The following MARS1 variants were observed in gnomAD, a reference collection of about 807,000 sequenced individuals.
MARS1 encodes methionyl-tRNA synthetase 1.
MARS1 carries 80 observed loss-of-function variants against 119.5 expected under a neutral mutation model. That is an observed-to-expected ratio of 0.67 (90% CI 0.56 to 0.81). The LOEUF (loss-of-function observed/expected upper bound fraction) is 0.81, where lower values mean the gene tolerates loss of function less well. Among genes scored for constraint, MARS1 ranks in the 30% least tolerant of loss-of-function variants. The pLI, the probability that MARS1 is intolerant of heterozygous loss-of-function variation, is 0.00. For synonymous variants in MARS1, 418 were observed against 433.4 expected, an observed-to-expected ratio of 0.96 and a Z score of 0.44; for missense variants, 945 against 1,116.5, an observed-to-expected ratio of 0.85 and a Z score of 2.19.
Position 57,511,818 on chromosome 12 carries a change from C to G in MARS1, c.1489C>G (p.Arg497Gly), listed in dbSNP as rs368761444. ...TGGCCTCAAGCCACGCTGCATAACC[C>G]GAGACCTCAAATGGGGAACCCCTGT... ...RDGLKPRCIT[R>G]DLKWGTPVPL... Residue 497 changes from arginine (R) to glycine (G), a missense_variant, in exon 12 of 21, where the codon CGA becomes GGA. Arg to Gly is a moderately radical substitution (Grantham distance 125). Transcript: ENST00000262027. 4.3e-6 allele frequency: 7 copies of G among 1,614,034 alleles called. No individual in the cohort carries two copies. Among genetic ancestry groups the G allele is most frequent in the African/African-American group, 1.3e-5 (1 of 74,916 alleles).
Position 57,493,441 on chromosome 12 carries a change from CATAATATATAATATATTATAAT to C in MARS1, c.770+2801_770+2822del, listed in dbSNP as rs1876149260. ...ATTATATGATATGTATAATATATTA[CATAATATATAATATATTATAAT>C]ATATAATATATAATATATAATATAT... is the stretch of plus-strand genomic sequence containing the variant. On this transcript the variant is annotated intron_variant, in intron 7 of 20. Transcript: ENST00000262027. Among the ~76,000 whole-genome samples the C allele has an allele frequency of 7.3e-3, 5 of 686 alleles. 1 individual carries two copies. In the Non-Finnish European group the frequency reaches 0.1, roughly 14 times the overall value. The allele number at this position is 686 out of a possible 152,430, so 0.5% of individuals were successfully genotyped here.
Position 57,498,473 on chromosome 12 carries a change from A to G in MARS1, c.941A>G (p.Tyr314Cys). The change falls in exon 9 of 21, where the codon TAT becomes TGT. Residue 314 changes from tyrosine to cysteine, a missense_variant. Transcript: ENST00000262027. The part of the protein sequence containing the change: ...NTLYLCGTDE[Y>C]GTATETKALE... ...CTCTATCTGTGTGGGACAGATGAGT[A>G]TGGTACAGCAACAGAGACCAAGGCT... The G allele has an allele frequency of 3.1e-6, 5 of 1,614,210 alleles. No homozygotes were observed. The highest frequency in any genetic ancestry group is 4.2e-6 in the Non-Finnish European group (5 of 1,180,040).
intron 11 of MARS1, among the ~76,000 whole-genome samples, chr12:57,510,753 A>C (rs907264074): frequency 1.6e-4 from 24 of 152,040 alleles, no homozygotes; most frequent in African/African-American, 5.8e-4. Flanking sequence ...CAACAAAGCA[A>C]GACCCTGTCT....
At position 57,516,308 on chromosome 12, in the gene MARS1, C is replaced by G; in HGVS notation, c.2527C>G (p.Gln843Glu). Residue 843 changes from glutamine (Q) to glutamate (E), a missense_variant, in exon 20 of 21, where the codon CAA (glutamine) becomes GAA (glutamate). Coordinates refer to ENST00000262027, the MANE Select transcript of MARS1 (RefSeq NM_004990.4). The stretch of plus-strand genomic sequence containing the variant: ...TACAACAGCCAAGCCACAGCAGATA[C>G]AAGCGCTGATGGATGAAGTGACAAA... ...TVTTAKPQQI[Q>E]ALMDEVTKQG... is the part of the protein sequence containing the mutation. 2 of 1,614,188 alleles carry G rather than the reference C, an allele frequency of 1.2e-6. No homozygotes were observed. Among genetic ancestry groups the G allele is most frequent in the Non-Finnish European group, 1.7e-6 (2 of 1,180,036 alleles).
intron 7 of MARS1, among the ~76,000 whole-genome samples, chr12:57,493,783 T>TATATATTATA (rs1876349905): frequency 1.6e-3 from 3 of 1,930 alleles, no homozygotes; most frequent in African/African-American, 1.8e-3. Context: ...TAATATATAT[T>TATATATTATA]ATATATTATA....
In MARS1 at chr12:57,494,016, C is replaced by T. The variant is rs1277335202; in HGVS notation, c.770+3372C>T. ...TGTCATCCAGTCTGGAGTGCAGTGG[C>T]GTGATCTCAGCTCACTGTAACCTCC... On this transcript the variant is annotated intron_variant, in intron 7 of 20. Coordinates refer to ENST00000262027, the MANE Select transcript of MARS1 (RefSeq NM_004990.4). 4.5e-5 allele frequency among the ~76,000 whole-genome samples: 6 copies of T among 133,906 alleles called. No individual in the cohort carries two copies. In the South Asian group the frequency reaches 6.7e-4, roughly 15 times the overall value. The allele number at this position is 133,906 out of a possible 152,430, so 87.8% of individuals were successfully genotyped here.
At chr12:57,505,248 G>C (rs1378934544) in intron 11 of MARS1, among the ~76,000 whole-genome samples, 2 of 150,398 alleles carry the variant, frequency 1.3e-5, no homozygotes, top group East Asian at 3.9e-4. Flanking sequence ...TGCAACCTCT[G>C]CCTCCCAGGT....
intron 7 of MARS1, among the ~76,000 whole-genome samples, chr12:57,493,561 A>ATT (rs1491363942): frequency 1.1e-3 from 2 of 1,878 alleles, no homozygotes; most frequent in South Asian, 0.042. Flanking sequence ...TATAATATAT[A>ATT]ATATATTATA....
At chr12:57,507,266 C>T (rs1284424443) in intron 11 of MARS1, among the ~76,000 whole-genome samples, 7 of 150,152 alleles carry the variant, frequency 4.7e-5, no homozygotes, top group African/African-American at 1.2e-4. Context: ...TACACAGACA[C>T]GGCAACCATC....
chr12:57,507,217 A>G (rs1055008142), intron 11 of MARS1, among the ~76,000 whole-genome samples: 5 of 152,102 alleles, frequency 3.3e-5, no homozygotes, highest in African/African-American at 1.2e-4. Flanking sequence ...TTTTCTTAGT[A>G]CAGAACAAAA....
At chr12:57,492,018 G>T (rs904005895) in intron 7 of MARS1, among the ~76,000 whole-genome samples, 2 of 152,138 alleles carry the variant, frequency 1.3e-5, no homozygotes, top group East Asian at 1.9e-4. Context: ...GGTGGCTCAT[G>T]CCTGTAATCC....
At chr12:57,511,345 A>G (rs1002042408) in intron 11 of MARS1, among the ~76,000 whole-genome samples, 2 of 151,994 alleles carry the variant, frequency 1.3e-5, no homozygotes, top group African/African-American at 4.8e-5. Flanking sequence ...GCGCTTTTGG[A>G]GGCTGAGGTG....
intron 1 of MARS1, chr12:57,488,700 G>A (rs1469236617): frequency 2.0e-6 from 3 of 1,496,988 alleles, no homozygotes; most frequent in Non-Finnish European, 2.7e-6. Flanking sequence ...TTCTCCCACT[G>A]TGACCTTCAG....
chr12:57,496,674 G>A (rs1366790506), intron 7 of MARS1, among the ~76,000 whole-genome samples: 1 of 151,840 alleles, frequency 6.6e-6, no homozygotes, highest in African/African-American at 2.4e-5. Flanking sequence ...CTACCTGGGA[G>A]GCTGAGATGG....
intron 8 of MARS1, 25 bp downstream of exon 8, chr12:57,498,298 ACCT>A: frequency 1.9e-6 from 3 of 1,605,046 alleles, no homozygotes; most frequent in Non-Finnish European, 2.6e-6. Context: ...TCGGGGAGAG[ACCT>A]CCTAAGGGAA....
intron 10 of MARS1, 119 bp from the exon 11 acceptor site, chr12:57,504,106 G>A (rs1451240549): frequency 4.2e-6 from 3 of 706,086 alleles, no homozygotes; most frequent in Non-Finnish European, 7.7e-6. Context: ...ATTGGAGTGT[G>A]AGCCTGAAGC....
At chr12:57,512,154 T>G (rs373936869) in intron 13 of MARS1, 51 bp downstream of exon 13, 155 of 1,601,764 alleles carry the variant, frequency 9.7e-5, no homozygotes, top group Non-Finnish European at 1.2e-4. Context: ...CGGTAGGGTG[T>G]GGGTGTTAGG....
chr12:57,489,462 A>C lies in MARS1; in HGVS notation c.318A>C (p.Gln106His), dbSNP rs1875755330. The C allele has an allele frequency of 6.2e-7, 1 of 1,614,062 alleles. No individual in the cohort carries two copies. Among genetic ancestry groups the C allele is most frequent in the South Asian group, 1.1e-5 (1 of 91,084 alleles). ...LSAALYYLVVQGKKGEDVLGS... is the reference protein window; with the variant it reads ...LSAALYYLVVHGKKGEDVLGS... ...CTGCCCTGTACTATTTAGTGGTCCA[A>C]GGCAAGAAGGGGGAAGATGTTCTTG... Residue 106 changes from glutamine to histidine, a missense_variant, in exon 4 of 21, where the codon CAA becomes CAC. Transcript: ENST00000262027.
At position 57,498,272 on chromosome 12, in the gene MARS1, A is replaced by T; in HGVS notation, c.886A>T (p.Arg296Trp). The change falls in exon 8 of 21, where the codon AGG (arginine) becomes TGG (tryptophan). Residue 296 changes from arginine (R) to tryptophan (W), a missense_variant and splice_region_variant. Transcript: ENST00000262027. ...TGTGCTCAGTGCCGATGTCTTTGCC[A>T]GGTGGAGCCAGCTGCTCGGGGAGAG... ...GCVLSADVFA[R>W]YSRLRQWNTL... The T allele has an allele frequency of 1.2e-6, 2 of 1,613,510 alleles. No individual in the cohort carries two copies. The highest frequency in any genetic ancestry group is 8.5e-7 in the Non-Finnish European group (1 of 1,179,418).
Sources: allele counts gnomAD v4.1 joint callset (sites outside exome capture counted in the v4.1 genomes callset), GRCh38; gene constraint gnomAD v4.1.1; transcripts MANE v1.5; gene names NCBI Gene and HGNC (gene_info 2026-07-23, HGNC 2026-07-21).